USP44: variants seen among roughly 807,000 people sequenced by gnomAD.
USP44 encodes ubiquitin specific peptidase 44, also known as ubiquitin carboxyl-terminal hydrolase 44.
USP44 carries 61 observed loss-of-function variants against 69.0 expected under a neutral mutation model. That is an observed-to-expected ratio of 0.88 (90% CI 0.72 to 1.09). The LOEUF (loss-of-function observed/expected upper bound fraction) is 1.09. USP44 is among the 50% of genes least tolerant of loss of function. The pLI, the probability that USP44 is intolerant of heterozygous loss-of-function variation, is 0.00. For synonymous variants in USP44, 297 were observed against 295.4 expected (o/e 1.01, Z -0.06); for missense variants, 753 against 849.9 (o/e 0.89, Z 1.42).
intron 1 of USP44, among the ~76,000 whole-genome samples, chr12:95,534,829 C>T (rs1377969537): frequency 1.3e-5 from 2 of 152,054 alleles, no homozygotes; most frequent in Non-Finnish European, 2.9e-5. Context: ...GAGTGCACCA[C>T]CACATTCAGC....
chr12:95,522,144 G>T, intron 4 of USP44: 1 of 978,658 alleles, frequency 1.0e-6, no homozygotes, highest in Non-Finnish European at 1.2e-6. Flanking sequence ...ATGTAACATG[G>T]TAGTTCAAGA....
At chr12:95,520,457 A>C (rs1592663301) in intron 5 of USP44, among the ~76,000 whole-genome samples, 1 of 151,884 alleles carries the variant, frequency 6.6e-6, no homozygotes, top group African/African-American at 2.4e-5. Context: ...GTCCCACTGC[A>C]CTCCAGCCTG....
chr12:95,538,185 G>C (rs571260395), intron 1 of USP44, among the ~76,000 whole-genome samples: 3 of 152,064 alleles, frequency 2.0e-5, no homozygotes, highest in African/African-American at 7.2e-5. Flanking sequence ...CTAAATCCCC[G>C]AGTTTAACAC....
chr12:95,522,153 G>T, intron 4 of USP44: 5 of 973,930 alleles, frequency 5.1e-6, no homozygotes, highest in Non-Finnish European at 6.1e-6. Flanking sequence ...GGTAGTTCAA[G>T]AGATTATAAT....
intron 4 of USP44, among the ~76,000 whole-genome samples, chr12:95,523,432 C>T (rs1231087429): frequency 6.6e-6 from 1 of 152,126 alleles, no homozygotes; most frequent in Admixed American, 6.5e-5. Flanking sequence ...ACACCCAGCT[C>T]GCATCCACTG....
At chr12:95,542,744 C>T (rs1195565639) in intron 1 of USP44, among the ~76,000 whole-genome samples, 2 of 148,562 alleles carry the variant, frequency 1.3e-5, no homozygotes, top group Non-Finnish European at 3.0e-5. Context: ...GAGCAAGACT[C>T]CATCTCAAAA....
intron 3 of USP44, among the ~76,000 whole-genome samples, chr12:95,525,832 G>A (rs2076816611): frequency 6.6e-6 from 1 of 152,158 alleles, no homozygotes; most frequent in Non-Finnish European, 1.5e-5. Flanking sequence ...CCTTCAACTT[G>A]TACACCAGCT....
intron 1 of USP44, among the ~76,000 whole-genome samples, chr12:95,536,700 T>G (rs2077217098): frequency 6.6e-6 from 1 of 152,122 alleles, no homozygotes; most frequent in African/African-American, 2.4e-5. Flanking sequence ...GCAGTAAGGC[T>G]CCCAGATGGT....
chr12:95,519,531 C>A (rs189445685), intron 5 of USP44, among the ~76,000 whole-genome samples: 32 of 150,376 alleles, frequency 2.1e-4, no homozygotes, highest in African/African-American at 6.8e-4. Context: ...GCTCCGCCTC[C>A]CGGGTTCACG....
At chr12:95,536,729 A>G (rs2077218039) in intron 1 of USP44, among the ~76,000 whole-genome samples, 1 of 152,128 alleles carries the variant, frequency 6.6e-6, no homozygotes, top group Admixed American at 6.6e-5. Flanking sequence ...TTCTGTCCTT[A>G]CTGCCACCAA....
intron 4 of USP44, chr12:95,521,987 AC>A (rs1423295591): frequency 1.0e-6 from 1 of 956,708 alleles, no homozygotes; most frequent in Non-Finnish European, 1.2e-6. Context: ...AGTCAGCACA[AC>A]CGCCCATTGG....
chr12:95,547,646 C>T (rs1191552656), intron 1 of USP44, among the ~76,000 whole-genome samples: 1 of 152,172 alleles, frequency 6.6e-6, no homozygotes, highest in Non-Finnish European at 1.5e-5. Flanking sequence ...GAATTCCAGG[C>T]CCAAAAGTCA....
At chr12:95,529,886 A>G (rs1191945367) in intron 2 of USP44, among the ~76,000 whole-genome samples, 1 of 152,234 alleles carries the variant, frequency 6.6e-6, no homozygotes, top group African/African-American at 2.4e-5. Context: ...GACATAAATA[A>G]TGATGTCATA....
At chr12:95,529,032 T>A in intron 2 of USP44, 30 bp from the exon 3 acceptor site, 1 of 1,546,096 alleles carries the variant, frequency 6.5e-7, no homozygotes, top group African/African-American at 1.4e-5. Context: ...TTCCTAAGAT[T>A]ATAATCTTTC....
chr12:95,541,819 C>T (rs2077398812), intron 1 of USP44, among the ~76,000 whole-genome samples: 1 of 151,994 alleles, frequency 6.6e-6, no homozygotes, highest in African/African-American at 2.4e-5. Context: ...CATCTTCATC[C>T]TCCAAGGTCC....
intron 1 of USP44, among the ~76,000 whole-genome samples, chr12:95,549,298 A>G (rs779333044): frequency 2.0e-4 from 31 of 152,326 alleles, no homozygotes; most frequent in Admixed American, 2.6e-4. Flanking sequence ...TTCAGTGGCG[A>G]TGACGGCTGT....
intron 1 of USP44, among the ~76,000 whole-genome samples, chr12:95,550,220 G>GTTATATCA (rs2077701073): frequency 6.8e-6 from 1 of 147,552 alleles, no homozygotes; most frequent in Non-Finnish European, 1.5e-5. Flanking sequence ...ATATAACACA[G>GTTATATCA]GAAGTTCTTA....
intron 3 of USP44, among the ~76,000 whole-genome samples, chr12:95,527,813 C>T (rs1011394308): frequency 2.0e-5 from 3 of 148,560 alleles, no homozygotes; most frequent in Admixed American, 1.4e-4. Flanking sequence ...TGGTTTTATA[C>T]ACTGTTTCCT....
Position 95,529,002 on chromosome 12 carries a change from C to A in USP44, c.1429G>T (p.Val477Phe), listed in dbSNP as rs761587997. ...TTGTTGTCACATGCAAGACATGTAACCTGCAAATGAGAATATGAGTTCCTA... is the reference window on the plus strand; with the variant it reads ...TTGTTGTCACATGCAAGACATGTAAACTGCAAATGAGAATATGAGTTCCTA... ...NIFHGQLLSQ[V>F]TCLACDNKSN... The change falls in exon 3 of 6, where the codon GTT (valine) becomes TTT (phenylalanine). Residue 477 changes from valine (V) to phenylalanine (F), a missense_variant and splice_region_variant. Transcript: ENST00000258499. 4 of 1,605,102 alleles carry A rather than the reference C, an allele frequency of 2.5e-6. No homozygotes were observed. The highest frequency in any genetic ancestry group is 1.3e-5 in the African/African-American group (1 of 74,610).
Sources: gnomAD v4.1 joint callset for allele counts (sites outside exome capture counted in the v4.1 genomes callset) on GRCh38, gnomAD v4.1.1 for gene constraint, MANE v1.5 for transcripts, NCBI Gene and HGNC (gene_info 2026-07-23, HGNC 2026-07-21) for gene names.